The following HIF1AN variants were observed in gnomAD, a reference collection of about 807,000 sequenced individuals.
The protein encoded by HIF1AN is hypoxia-inducible factor 1-alpha inhibitor.
HIF1AN carries 21 observed loss-of-function variants against 47.7 expected under a neutral mutation model. The ratio of observed to expected loss-of-function variants is 0.44; its 90% CI spans 0.31 to 0.63. The LOEUF is 0.63. Ranked by LOEUF, HIF1AN falls within the 30% of genes least tolerant of loss-of-function variation. The probability of loss-of-function intolerance (pLI) is 0.07; values close to 1 mark genes in which losing one functional copy is unlikely to be tolerated. For synonymous variants in HIF1AN, 152 were observed against 155.9 expected (o/e 0.98, Z 0.18); for missense variants, 320 against 432.7 (o/e 0.74, Z 2.31).
At chr10:100,548,055 A>G in intron 7 of HIF1AN, 38 bp from the exon 8 acceptor site, 2 of 1,605,656 alleles carry the variant, frequency 1.2e-6, no homozygotes, top group Non-Finnish European at 1.7e-6. Context: ...GGGCCAGGGA[A>G]CAGCCAGTTC....
chr10:100,547,142 G>A lies in HIF1AN; in HGVS notation c.897G>A (p.Gly299=). 1 of 1,611,704 alleles carries A rather than the reference G, an allele frequency of 6.2e-7. No individual in the cohort carries two copies. The highest frequency in any genetic ancestry group is 8.5e-7 in the Non-Finnish European group (1 of 1,178,426). ...CTGAGCTACTGCTTCCTTTGTAGGG[G>A]GCTCCCACCCCTAAGAGAATTGAAT... The part of the protein sequence containing the change: ...ITITVNFWYK[G]APTPKRIEYP... Residue 299 remains glycine (G), a splice_region_variant and synonymous_variant, in exon 7 of 8, where the codon GGG becomes GGA. Transcript: ENST00000299163.
chr10:100,540,782 G>A lies in HIF1AN; in HGVS notation c.577G>A (p.Gly193Arg). ...TSNLLLIGME[G>R]NVTPAHYDEQ... is the part of the protein sequence containing the mutation. ...TAACCTGCTGCTCATTGGCATGGAA[G>A]GTAAGAAATCTTTCAAAAGCAGCAT... Residue 193 changes from glycine to arginine, a missense_variant and splice_region_variant, in exon 3 of 8, where the codon GGA (glycine) becomes AGA (arginine). Physicochemically the swap from Gly to Arg is moderately radical, Grantham distance 125 (BLOSUM62 -2). Around this residue, in one of 2 missense-constraint regions of HIF1AN, gnomAD observed 161 missense variants for 272.8 expected, o/e 0.59. Transcript: ENST00000299163. 1 of 1,601,874 alleles carries A rather than the reference G, an allele frequency of 6.2e-7. No individual in the cohort carries two copies. The highest frequency in any genetic ancestry group is 8.5e-7 in the Non-Finnish European group (1 of 1,176,836).
chr10:100,551,717 T>TA lies in HIF1AN; in HGVS notation c.*3581dup, dbSNP rs1423244935. The TA allele has an allele frequency of 6.6e-6, 1 of 152,234 alleles. No individual in the cohort carries two copies. Among genetic ancestry groups the TA allele is most frequent in the Non-Finnish European group, 1.5e-5 (1 of 68,028 alleles). 9.4% of individuals were successfully genotyped at this position (152,234 alleles called of 1,614,324 possible). On this transcript the variant is annotated 3_prime_UTR_variant, in exon 8 of 8. Coordinates refer to ENST00000299163, the MANE Select transcript of HIF1AN (RefSeq NM_017902.3). Reference sequence around the variant, plus strand: ...TAGCCCACCTGTGACAAGTACTTGTTACATTCCAGCACTGTAGGGCGTGAG... The same window carrying TA: ...TAGCCCACCTGTGACAAGTACTTGTTAACATTCCAGCACTGTAGGGCGTGAG...
intron 3 of HIF1AN, among the ~76,000 whole-genome samples, chr10:100,543,403 C>T (rs954270062): frequency 3.9e-5 from 6 of 151,988 alleles, no homozygotes; most frequent in Admixed American, 6.6e-5. Context: ...CTATGTTGCC[C>T]GGACTGGTCT....
At position 100,559,670 on chromosome 10, in the gene HIF1AN, C is replaced by G. The variant is rs1310421345; in HGVS notation, c.*11533C>G. On this transcript the variant is annotated 3_prime_UTR_variant, in exon 8 of 8. Transcript: ENST00000299163. ...CTGGGCTCAAGCAGTCCTGCCTCAG[C>G]CTCCCAAAGTTCTGGGATTACAGGC... is the stretch of plus-strand genomic sequence containing the variant. 2.0e-5 allele frequency: 3 copies of G among 152,352 alleles called. No homozygotes were observed. The South Asian group carries it at 6.2e-4, about 32-fold the overall frequency. 9.4% of individuals were successfully genotyped at this position (152,352 alleles called of 1,614,324 possible). A position where few individuals can be genotyped will look rare whatever the true frequency, so the allele number is the denominator to read the frequency against.
At chr10:100,541,431 T>A (rs1475357048) in intron 3 of HIF1AN, among the ~76,000 whole-genome samples, 1 of 152,122 alleles carries the variant, frequency 6.6e-6, no homozygotes, top group Admixed American at 6.5e-5. Context: ...CATGATAATG[T>A]CTTGTAAATA....
At position 100,545,937 on chromosome 10, in the gene HIF1AN, T is replaced by A; in HGVS notation, c.724-6T>A. On this transcript the variant is annotated splice_polypyrimidine_tract_variant and splice_region_variant and intron_variant, in intron 4 of 7. Transcript: ENST00000299163. ...ATATTTTTTTTCTTTCTCTTGAACC[T>A]CTTAGGTGGACTTTGACAATCCCGA... 1 of 1,603,610 alleles carries A rather than the reference T, an allele frequency of 6.2e-7. No homozygotes were observed. Among genetic ancestry groups the A allele is most frequent in the Non-Finnish European group, 8.5e-7 (1 of 1,170,562 alleles).
At chr10:100,545,484 A>G (rs1589753111) in intron 4 of HIF1AN, 2 of 212,804 alleles carry the variant, frequency 9.4e-6, no homozygotes, top group African/African-American at 2.3e-5. Context: ...AAACTGAGCT[A>G]TGTTGTTTAA....
Position 100,546,016 on chromosome 10 carries a change from G to C in HIF1AN, c.797G>C (p.Gly266Ala). 1 of 1,613,854 alleles carries C rather than the reference G, an allele frequency of 6.2e-7. No homozygotes were observed. Among genetic ancestry groups the C allele is most frequent in the Non-Finnish European group, 8.5e-7 (1 of 1,179,878 alleles). Residue 266 changes from glycine (G) to alanine (A), a missense_variant, in exon 5 of 8, where the codon GGC becomes GCC. Coordinates refer to ENST00000299163, the MANE Select transcript of HIF1AN (RefSeq NM_017902.3). ...GTGGTTGGTTACGAAACAGTGGTTG[G>C]CCCTGGTGATGTTCTTTACATCCCA... ...QNVVGYETVVGPGDVLYIPMY... is the reference protein window; with the variant it reads ...QNVVGYETVVAPGDVLYIPMY...
At chr10:100,540,473 C>A (rs943441745) in intron 2 of HIF1AN, among the ~76,000 whole-genome samples, 161 bp from the exon 3 acceptor site, 5 of 151,972 alleles carry the variant, frequency 3.3e-5, no homozygotes, top group Non-Finnish European at 5.9e-5. Flanking sequence ...AGTAAGAATT[C>A]AGTTGTATGA....
At chr10:100,546,728 T>C in intron 6 of HIF1AN, 147 bp downstream of exon 6, 1 of 666,718 alleles carries the variant, frequency 1.5e-6, no homozygotes, top group South Asian at 1.9e-5. Flanking sequence ...CAGGATTGAA[T>C]TGGGTTTCTT....
Position 100,554,168 on chromosome 10 carries a change from G to A in HIF1AN, c.*6031G>A, listed in dbSNP as rs1372234842. The stretch of plus-strand genomic sequence containing the variant: ...GCTGTACTACCAGCCCAGGGCCTTG[G>A]GTGAGAAGGTTTCAGGTCTGAGCTC... On this transcript the variant is annotated 3_prime_UTR_variant, in exon 8 of 8. Coordinates refer to ENST00000299163, the MANE Select transcript of HIF1AN (RefSeq NM_017902.3). The A allele has an allele frequency of 2.0e-5, 3 of 152,130 alleles. No homozygotes were observed. The highest frequency in any genetic ancestry group is 2.9e-5 in the Non-Finnish European group (2 of 68,048). The allele number at this position is 152,130 out of a possible 1,614,324, so 9.4% of individuals were successfully genotyped here.
At chr10:100,546,705 G>T in intron 6 of HIF1AN, 124 bp downstream of exon 6, 1 of 751,644 alleles carries the variant, frequency 1.3e-6, no homozygotes, top group Non-Finnish European at 2.3e-6. Context: ...GGTGTCTGGG[G>T]AGATGAAAGG....
At position 100,548,468 on chromosome 10, in the gene HIF1AN, G is replaced by A. The variant is rs41291446; in HGVS notation, c.*331G>A. The A allele has an allele frequency of 7.1e-3, 2,041 of 287,604 alleles. 13 individuals carry two copies. The highest frequency in any genetic ancestry group is 0.012 in the Middle Eastern group (12 of 982). 17.8% of individuals were successfully genotyped at this position (287,604 alleles called of 1,614,324 possible). The stretch of plus-strand genomic sequence containing the variant: ...AGTCTGTCAACTTCGGAATGTGTGC[G>A]TGTGTGTGCATGCACACGCATGTAT... On this transcript the variant is annotated 3_prime_UTR_variant, in exon 8 of 8. Coordinates refer to ENST00000299163, the MANE Select transcript of HIF1AN (RefSeq NM_017902.3).
rs1198525635 is a variant in HIF1AN at position 100,554,514 on chromosome 10, T to G, written c.*6377T>G. On this transcript the variant is annotated 3_prime_UTR_variant, in exon 8 of 8. Transcript: ENST00000299163. ...AATAATTTTTTAAAAATTACAAATA[T>G]GGACCAGACACCTGGGAGGATTACC... 6.6e-6 allele frequency: 1 copy of G among 151,976 alleles called. No individual in the cohort carries two copies. Among genetic ancestry groups the G allele is most frequent in the South Asian group, 2.1e-4 (1 of 4,818 alleles). The allele number at this position is 151,976 out of a possible 1,614,324, so 9.4% of individuals were successfully genotyped here. A position where few individuals can be genotyped will look rare whatever the true frequency, so the allele number is the denominator to read the frequency against.
At chr10:100,547,038 C>A in intron 6 of HIF1AN, 102 bp from the exon 7 acceptor site, 1 of 853,230 alleles carries the variant, frequency 1.2e-6, no homozygotes, top group Non-Finnish European at 1.9e-6. Context: ...CCGTGCCCGG[C>A]AAGAATTGGG....
chr10:100,542,779 C>T (rs1375417726), intron 3 of HIF1AN, among the ~76,000 whole-genome samples: 2 of 151,392 alleles, frequency 1.3e-5, no homozygotes, highest in African/African-American at 4.9e-5. Flanking sequence ...GGAGGTACTG[C>T]ATATTATTAG....
At position 100,555,156 on chromosome 10, in the gene HIF1AN, A is replaced by G. The variant is rs1329747956; in HGVS notation, c.*7019A>G. ...CTCTTTCTTCCAGTCCAGCAGTCCA[A>G]AACAAACACTGCTTCCCAATGCCTA... On this transcript the variant is annotated 3_prime_UTR_variant, in exon 8 of 8. Coordinates refer to ENST00000299163, the MANE Select transcript of HIF1AN (RefSeq NM_017902.3). The G allele has an allele frequency of 6.6e-6, 1 of 152,244 alleles. No homozygotes were observed. The highest frequency in any genetic ancestry group is 2.4e-5 in the African/African-American group (1 of 41,458). 9.4% of individuals were successfully genotyped at this position (152,244 alleles called of 1,614,324 possible).
In HIF1AN at chr10:100,550,368, A is replaced by G. The variant is rs1163974404; in HGVS notation, c.*2231A>G. On this transcript the variant is annotated 3_prime_UTR_variant, in exon 8 of 8. Transcript: ENST00000299163. ...AGTGCTTTTCTCTTTGTTCCTCACT[A>G]TCCTGCAAGGTAGGTATTCTCACTT... The G allele has an allele frequency of 6.6e-6, 1 of 152,198 alleles. No homozygotes were observed. The highest frequency in any genetic ancestry group is 6.5e-5 in the Admixed American group (1 of 15,282). The allele number at this position is 152,198 out of a possible 1,614,324, so 9.4% of individuals were successfully genotyped here. A position where few individuals can be genotyped will look rare whatever the true frequency, so the allele number is the denominator to read the frequency against.
Sources: gnomAD v4.1 joint callset for allele counts (sites outside exome capture counted in the v4.1 genomes callset) on GRCh38, gnomAD v4.1.1 for gene constraint, gnomAD v4.1.1 regional missense constraint, MANE v1.5 for transcripts, NCBI Gene and HGNC (gene_info 2026-07-23, HGNC 2026-07-21) for gene names.